Variants in SYN2 observed in about 807,000 individuals in gnomAD.
SYN2 encodes the protein synapsin II, also known as synapsin-2.
A neutral mutation model predicts 50.9 loss-of-function variants in SYN2; 19 were observed. The observed-to-expected ratio is 0.37, with a 90% CI of 0.26 to 0.55. The LOEUF (loss-of-function observed/expected upper bound fraction) is 0.55. Among genes scored for constraint, SYN2 ranks in the 20% least tolerant of loss-of-function variants. The pLI, the probability that SYN2 is intolerant of heterozygous loss-of-function variation, is 0.81. For missense variants in SYN2, 587 were observed against 576.4 expected (o/e 1.02, Z -0.19); for synonymous variants, 255 against 224.9 (o/e 1.13, Z -1.20).
At chr3:12,039,722 C>T (rs1194276816) in intron 1 of SYN2, among the ~76,000 whole-genome samples, 2 of 152,034 alleles carry the variant, frequency 1.3e-5, no homozygotes. Flanking sequence ...AATTGGTCCT[C>T]TCATGGATAT....
intron 1 of SYN2, among the ~76,000 whole-genome samples, chr3:12,026,558 C>T (rs777269926): frequency 6.6e-6 from 1 of 152,050 alleles, no homozygotes; most frequent in African/African-American, 2.4e-5. Flanking sequence ...AATAGAAGTT[C>T]ACTAGATGGA....
chr3:12,144,093 TGC>T, intron 3 of SYN2, among the ~76,000 whole-genome samples: 1 of 152,324 alleles, frequency 6.6e-6, no homozygotes, highest in East Asian at 1.9e-4. Flanking sequence ...GAGTAGATGC[TGC>T]CACAGAACTG....
intron 5 of SYN2, chr3:12,158,565 C>A: frequency 2.3e-6 from 3 of 1,312,220 alleles, no homozygotes; most frequent in Non-Finnish European, 3.1e-6. Flanking sequence ...TCCTTCTCCA[C>A]CCATCAGCCT....
At chr3:12,080,748 G>C (rs1695569740) in intron 1 of SYN2, among the ~76,000 whole-genome samples, 1 of 152,204 alleles carries the variant, frequency 6.6e-6, no homozygotes, top group African/African-American at 2.4e-5. Flanking sequence ...TAGAGTAAGT[G>C]CCATGTGGCA....
At chr3:12,035,294 C>T (rs1328614467) in intron 1 of SYN2, among the ~76,000 whole-genome samples, 1 of 152,232 alleles carries the variant, frequency 6.6e-6, no homozygotes, top group Admixed American at 6.5e-5. Flanking sequence ...CATGCAGCAG[C>T]TCTCACAGGT....
intron 1 of SYN2, among the ~76,000 whole-genome samples, chr3:12,018,620 C>T (rs539689779): frequency 8.3e-4 from 127 of 152,274 alleles, no homozygotes; most frequent in African/African-American, 3.0e-3. Context: ...CAATGAACAG[C>T]GCCATGAAGA....
At chr3:12,071,276 C>T (rs1188339037) in intron 1 of SYN2, 11 of 560,376 alleles carry the variant, frequency 2.0e-5, no homozygotes, top group Non-Finnish European at 3.9e-5. Context: ...TCCATCCTGG[C>T]CTCACTGTCC....
At chr3:12,087,110 A>G (rs560672295) in intron 1 of SYN2, among the ~76,000 whole-genome samples, 6 of 152,326 alleles carry the variant, frequency 3.9e-5, no homozygotes, top group Non-Finnish European at 5.9e-5. Context: ...CCCACTTACA[A>G]TAACATCAAA....
At chr3:12,059,465 T>C (rs1695068222) in intron 1 of SYN2, among the ~76,000 whole-genome samples, 1 of 152,072 alleles carries the variant, frequency 6.6e-6, no homozygotes, top group African/African-American at 2.4e-5. Context: ...CTCCTGGGTG[T>C]TACTCCCTCC....
chr3:12,132,566 A>G (rs1409472210), intron 1 of SYN2, among the ~76,000 whole-genome samples: 6 of 152,150 alleles, frequency 3.9e-5, no homozygotes, highest in African/African-American at 7.2e-5. Context: ...TTGCCTTTGT[A>G]TCTTTACAGA....
At chr3:12,024,099 T>C (rs1041413373) in intron 1 of SYN2, among the ~76,000 whole-genome samples, 4 of 151,754 alleles carry the variant, frequency 2.6e-5, no homozygotes, top group Non-Finnish European at 5.9e-5. Flanking sequence ...AGATGAGATA[T>C]GCATGCAACA....
intron 1 of SYN2, among the ~76,000 whole-genome samples, chr3:12,122,901 T>G (rs1259301186): frequency 6.6e-6 from 1 of 151,768 alleles, no homozygotes; most frequent in Non-Finnish European, 1.5e-5. Flanking sequence ...AGAAAGAACA[T>G]GATACTATGA....
intron 5 of SYN2, chr3:12,157,287 G>A (rs750903563): frequency 1.9e-4 from 215 of 1,136,594 alleles, no homozygotes; most frequent in Non-Finnish European, 2.6e-4. Context: ...AAGGATTACT[G>A]AGCCAGGCCA....
chr3:12,050,711 C>CTTTTTTTTTTTTTT lies in SYN2; in HGVS notation c.377+45805_377+45818dup, dbSNP rs57099569. ...AATAATCTCATCTTTCTTCTCTTCT[C>CTTTTTTTTTTTTTT]TTTTTTTTTTTTTTTTTTTTTTTTT... On this transcript the variant is annotated intron_variant, in intron 1 of 12. Coordinates refer to ENST00000621198, the MANE Select transcript of SYN2 (RefSeq NM_133625.6). Among the ~76,000 whole-genome samples the CTTTTTTTTTTTTTT allele has an allele frequency of 1.1e-3, 55 of 50,578 alleles. 17 individuals carry two copies. The highest frequency in any genetic ancestry group is 8.2e-3 in the South Asian group (4 of 486). 33.2% of individuals were successfully genotyped at this position (50,578 alleles called of 152,430 possible).
At chr3:12,149,234 C>T (rs773615983) in intron 4 of SYN2, among the ~76,000 whole-genome samples, 4 of 152,178 alleles carry the variant, frequency 2.6e-5, no homozygotes, top group Non-Finnish European at 5.9e-5. Context: ...CATGCCAGAG[C>T]GTGGGCTGCA....
At chr3:12,153,084 T>C (rs17035943) in intron 5 of SYN2, 17,200 of 239,090 alleles carry the variant, frequency 0.072, 778 homozygotes, top group African/African-American at 0.13. Context: ...TTTTCATTCC[T>C]GCCAGTCAGC....
chr3:12,101,945 A>G (rs1036389585), intron 1 of SYN2, among the ~76,000 whole-genome samples: 2 of 152,170 alleles, frequency 1.3e-5, no homozygotes, highest in East Asian at 3.8e-4. Flanking sequence ...TAGCCTAGCA[A>G]CTAGTTGTTA....
At chr3:12,056,084 T>TG (rs773487800) in intron 1 of SYN2, among the ~76,000 whole-genome samples, 121 of 152,180 alleles carry the variant, frequency 8.0e-4, no homozygotes, top group Non-Finnish European at 1.3e-3. Flanking sequence ...TCCAGGCTCT[T>TG]GAACAGATCA....
At chr3:12,048,572 A>T (rs1694791163) in intron 1 of SYN2, among the ~76,000 whole-genome samples, 1 of 152,222 alleles carries the variant, frequency 6.6e-6, no homozygotes, top group African/African-American at 2.4e-5. Context: ...TATTGTAAAG[A>T]TGATGATGAT....
Sources: allele counts gnomAD v4.1 joint callset (sites outside exome capture counted in the v4.1 genomes callset), GRCh38; gene constraint gnomAD v4.1.1; transcripts MANE v1.5; gene names NCBI Gene and HGNC (gene_info 2026-07-23, HGNC 2026-07-21).